HK1: variants seen among roughly 807,000 people sequenced by gnomAD.
HK1 encodes hexokinase 1.
A neutral mutation model predicts 91.6 loss-of-function variants in HK1; 28 were observed. That is an observed-to-expected ratio of 0.31 (90% CI 0.23 to 0.42). HK1 has a LOEUF of 0.42. Among genes scored for constraint, HK1 ranks in the 10% least tolerant of loss-of-function variants. The pLI is 1.00. For synonymous variants in HK1, 430 were observed against 468.1 expected (o/e 0.92, Z 1.05); for missense variants, 770 against 1,219.8 (o/e 0.63, Z 5.49).
At position 69,364,833 on chromosome 10, in the gene HK1, G is replaced by T. The variant is rs774752784; in HGVS notation, c.426G>T (p.Lys142Asn). The change falls in exon 4 of 18, where the codon AAG (lysine) becomes AAT (asparagine). Residue 142 changes from lysine (K) to asparagine (N), a missense_variant. Around this residue, in one of 7 missense-constraint regions of HK1, gnomAD observed 449 missense variants for 665.1 expected, o/e 0.68. Coordinates refer to ENST00000359426, the MANE Select transcript of HK1 (RefSeq NM_000188.3). ...TGGGAGATTTCATGGAGAAAAGGAA[G>T]ATCAAGGACAAGAAGTTACCTGTGG... ...ECLGDFMEKR[K>N]IKDKKLPVGF... is the part of the protein sequence containing the mutation. 30 of 1,613,996 alleles carry T rather than the reference G, an allele frequency of 1.9e-5. No homozygotes were observed. The highest frequency in any genetic ancestry group is 2.5e-5 in the Non-Finnish European group (30 of 1,179,998).
upstream of HK1, among the ~76,000 whole-genome samples, chr10:69,317,484 T>A (rs748584728): frequency 6.6e-6 from 1 of 152,158 alleles, no homozygotes; most frequent in Non-Finnish European, 1.5e-5. Flanking sequence ...TCCCTCTGAT[T>A]TGACTGTACC....
chr10:69,305,322 T>C (rs1276790453), intron 5 of HK1, among the ~76,000 whole-genome samples: 2 of 152,122 alleles, frequency 1.3e-5, no homozygotes, highest in South Asian at 4.1e-4. Flanking sequence ...AGGCTGGAAA[T>C]GGAATCTTTA....
chr10:69,384,427 G>A lies in HK1; in HGVS notation c.1665G>A (p.Met555Ile). Reference protein sequence around the residue: ...IRSGKKRTVEMHNKIYAIPIE... With the variant: ...IRSGKKRTVEIHNKIYAIPIE... ...GTGGGAAAAAGAGAACGGTGGAAAT[G>A]CACAACAAGATCTACGCCATTCCTA... Residue 555 changes from methionine to isoleucine, a missense_variant, in exon 11 of 18, where the codon ATG becomes ATA. Transcript: ENST00000359426. The A allele has an allele frequency of 6.2e-7, 1 of 1,614,236 alleles. No individual in the cohort carries two copies. The highest frequency in any genetic ancestry group is 1.1e-5 in the South Asian group (1 of 91,086).
At position 69,395,133 on chromosome 10, in the gene HK1, C is replaced by T. The variant is rs113688604; in HGVS notation, c.2375+28C>T. 625 of 1,610,162 alleles carry T rather than the reference C, an allele frequency of 3.9e-4. 5 individuals carry two copies. In the African/African-American group the frequency reaches 6.2e-3, roughly 16 times the overall value. On this transcript the variant is annotated intron_variant, in intron 16 of 17. Transcript: ENST00000359426. ...GAGTGGGCAGTGTCTTCCCTGCCAG[C>T]GCCCACCCTTCAGAGGTCGCCTGGC...
chr10:69,349,676 C>T (rs1848746450), intron 2 of HK1, among the ~76,000 whole-genome samples: 1 of 152,172 alleles, frequency 6.6e-6, no homozygotes, highest in African/African-American at 2.4e-5. Flanking sequence ...CCACAGGCTA[C>T]AGCTCCAGTA....
At chr10:69,322,468 A>G (rs1408245727) in intron 1 of HK1, among the ~76,000 whole-genome samples, 1 of 152,216 alleles carries the variant, frequency 6.6e-6, no homozygotes, top group Admixed American at 6.5e-5. Context: ...CCAATGGCCG[A>G]ACTCAGGAGT....
At chr10:69,385,049 C>T in intron 12 of HK1, 134 bp downstream of exon 12, 2 of 989,556 alleles carry the variant, frequency 2.0e-6, no homozygotes, top group East Asian at 2.4e-5. Flanking sequence ...TGGGTTGAGC[C>T]AGGCTTTATT....
At chr10:69,296,988 TG>T (rs371738820) in intron 4 of HK1, among the ~76,000 whole-genome samples, 2,547 of 152,192 alleles carry the variant, frequency 0.017, 43 homozygotes, top group Non-Finnish European at 0.026. Flanking sequence ...TACTTCCCAG[TG>T]GGAAGAAAGT....
chr10:69,294,394 G>T (rs1485568497), intron 3 of HK1, among the ~76,000 whole-genome samples: 1 of 152,228 alleles, frequency 6.6e-6, no homozygotes, highest in East Asian at 1.9e-4. Context: ...ATTGGCAGCA[G>T]CTTCCAAAAT....
At chr10:69,356,882 C>CAAAAAAAA (rs778360296) in intron 2 of HK1, among the ~76,000 whole-genome samples, 5 of 62,020 alleles carry the variant, frequency 8.1e-5, no homozygotes, top group Non-Finnish European at 1.5e-4. Flanking sequence ...AACTCCATCT[C>CAAAAAAAA]AAAAAAAAAA....
rs146727978 is a variant in HK1 at position 69,398,755 on chromosome 10, C to T, written c.2536C>T (p.Arg846Cys). ...AGMAAVVDKI[R>C]ENRGLDRLNV... ...CATGGCTGCGGTTGTGGATAAGATCCGCGAGAACAGAGGACTGGACCGTCT... is the reference window on the plus strand; with the variant it reads ...CATGGCTGCGGTTGTGGATAAGATCTGCGAGAACAGAGGACTGGACCGTCT... Residue 846 changes from arginine to cysteine, a missense_variant, in exon 17 of 18, where the codon CGC (arginine) becomes TGC (cysteine). This residue lies in a region of HK1 where 78 missense variants were observed against 99.0 expected (regional missense o/e 0.79). Coordinates refer to ENST00000359426, the MANE Select transcript of HK1 (RefSeq NM_000188.3). 5.5e-5 allele frequency: 89 copies of T among 1,614,066 alleles called. No individual in the cohort carries two copies. Among genetic ancestry groups the T allele is most frequent in the Non-Finnish European group, 6.9e-5 (81 of 1,180,046 alleles).
At chr10:69,362,996 G>A (rs541910345) in intron 3 of HK1, among the ~76,000 whole-genome samples, 14 of 152,162 alleles carry the variant, frequency 9.2e-5, no homozygotes, top group Non-Finnish European at 1.9e-4. Flanking sequence ...AGCTGGCTTG[G>A]GGGGGATCTG....
At position 69,395,035 on chromosome 10, in the gene HK1, C is replaced by G; in HGVS notation, c.2305C>G (p.Arg769Gly). The G allele has an allele frequency of 6.2e-7, 1 of 1,614,002 alleles. No homozygotes were observed. Reference sequence around the variant, plus strand: ...CTTCACCAAGAAGGGATTCCTCTTCCGAGGGCAGATCTCTGAGACGCTGAA... The same window carrying G: ...CTTCACCAAGAAGGGATTCCTCTTCGGAGGGCAGATCTCTGAGACGCTGAA... Reference protein sequence around the residue: ...IDFTKKGFLFRGQISETLKTR... With the variant: ...IDFTKKGFLFGGQISETLKTR... The change falls in exon 16 of 18, where the codon CGA (arginine) becomes GGA (glycine). Residue 769 changes from arginine to glycine, a missense_variant. By Grantham distance (125) the Arg-to-Gly change is moderately radical. Around this residue, in one of 7 missense-constraint regions of HK1, gnomAD observed 25 missense variants for 74.1 expected, o/e 0.34. Transcript: ENST00000359426.
rs563571032 is a variant in HK1, at chr10:69,299,230, T to C, written c.-66-1539T>C. ...CTCTGTCATGCAGGCTGGAGTGCAG[T>C]GGTGCGATCTTGGCTCACTGCAGCC... On this transcript the variant is annotated intron_variant, in intron 4 of 21. Transcript: ENST00000360289. Among the ~76,000 whole-genome samples the C allele has an allele frequency of 1.6e-3, 246 of 151,666 alleles. 1 individual carries two copies. The highest frequency in any genetic ancestry group is 2.8e-3 in the Admixed American group (42 of 15,124).
At chr10:69,331,335 T>C (rs1360914781) in intron 1 of HK1, among the ~76,000 whole-genome samples, 1 of 152,260 alleles carries the variant, frequency 6.6e-6, no homozygotes, top group Non-Finnish European at 1.5e-5. Flanking sequence ...ATATTTCTTT[T>C]CAGCTACTGC....
chr10:69,395,168 G>C, intron 16 of HK1, 63 bp downstream of exon 16: 1 of 1,546,830 alleles, frequency 6.5e-7, no homozygotes. Context: ...CTGGTGGATT[G>C]TGATGGGGGT....
chr10:69,394,167 G>A (rs149041282), intron 15 of HK1, among the ~76,000 whole-genome samples: 1 of 152,346 alleles, frequency 6.6e-6, no homozygotes, highest in East Asian at 1.9e-4. Context: ...GCTTGGGCAT[G>A]TGCCATGGAA....
intron 1 of HK1, among the ~76,000 whole-genome samples, chr10:69,335,464 T>C (rs1847929286): frequency 6.6e-6 from 1 of 152,146 alleles, no homozygotes; most frequent in Non-Finnish European, 1.5e-5. Flanking sequence ...GTGGCGGTGA[T>C]AGCCCCTGTA....
At chr10:69,287,218 A>G (rs958218109) in intron 2 of HK1, among the ~76,000 whole-genome samples, 2 of 152,206 alleles carry the variant, frequency 1.3e-5, no homozygotes, top group African/African-American at 4.8e-5. Flanking sequence ...CATGGCGGGA[A>G]GGCAAAGGGG....
Sources: allele counts gnomAD v4.1 joint callset (sites outside exome capture counted in the v4.1 genomes callset), GRCh38; gene constraint gnomAD v4.1.1; regional missense constraint gnomAD v4.1.1; transcripts MANE v1.5; gene names NCBI Gene and HGNC (gene_info 2026-07-23, HGNC 2026-07-21).